Variants in RPTOR observed in about 807,000 individuals in gnomAD.
RPTOR encodes the protein regulatory associated protein of MTOR complex 1.
A neutral mutation model predicts 169.9 loss-of-function variants in RPTOR; 21 were observed. The ratio of observed to expected loss-of-function variants is 0.12; its 90% CI spans 0.09 to 0.18. RPTOR has a LOEUF of 0.18. Among genes scored for constraint, RPTOR ranks in the 10% least tolerant of loss-of-function variants. RPTOR has a pLI of 1.00. For missense variants in RPTOR, 1,133 were observed against 1,855.9 expected (o/e 0.61, Z 7.16); for synonymous variants, 732 against 753.2 (o/e 0.97, Z 0.46).
chr17:80,660,798 C>G (rs977599336), intron 3 of RPTOR, among the ~76,000 whole-genome samples: 1 of 152,186 alleles, frequency 6.6e-6, no homozygotes, highest in African/African-American at 2.4e-5. Flanking sequence ...CAGGCAGCCC[C>G]TTGGTCCCCC....
At position 80,942,209 on chromosome 17, in the gene RPTOR, G is replaced by A. The variant is rs185760350; in HGVS notation, c.3025+1608G>A. ...TAGCGATTCTCTAGGACCCCAGCCT[G>A]CTAGCTGGGATGGCCAGCACACGGG... is the stretch of plus-strand genomic sequence containing the variant. On this transcript the variant is annotated intron_variant, in intron 25 of 33. Coordinates refer to ENST00000306801, the MANE Select transcript of RPTOR (RefSeq NM_020761.3). 2.8e-4 allele frequency among the ~76,000 whole-genome samples: 42 copies of A among 151,956 alleles called. No individual in the cohort carries two copies. The East Asian group carries it at 6.8e-3, about 25-fold the overall frequency.
In RPTOR at chr17:80,820,211, AGGCAGCGCTC is replaced by A. The variant is rs1449110934; in HGVS notation, c.891-1987_891-1978del. Among the ~76,000 whole-genome samples the A allele has an allele frequency of 1.3e-5, 2 of 152,220 alleles. No homozygotes were observed. The highest frequency in any genetic ancestry group is 6.5e-5 in the Admixed American group (1 of 15,284). The stretch of plus-strand genomic sequence containing the variant: ...TCTGCATGGCTTTGGTAAGGAGGGC[AGGCAGCGCTC>A]GGTGACAGTCCTGCAGCTTGAAAGA... On this transcript the variant is annotated intron_variant, in intron 7 of 33. Transcript: ENST00000306801. This position sits in a 1 kb window ranked among gnomAD's most constrained non-coding sequence, Gnocchi z 4.1.
chr17:80,922,186 T>C (rs1283489437), intron 21 of RPTOR, among the ~76,000 whole-genome samples: 3 of 152,216 alleles, frequency 2.0e-5, no homozygotes, highest in African/African-American at 7.2e-5. Context: ...GATGAAGCAC[T>C]CCCTGACCCT....
intron 7 of RPTOR, among the ~76,000 whole-genome samples, chr17:80,795,645 G>A (rs1023589774): frequency 1.3e-5 from 2 of 152,070 alleles, no homozygotes; most frequent in Non-Finnish European, 2.9e-5. Context: ...GGGATTCGGG[G>A]TACGAGGAGG....
intron 1 of RPTOR, among the ~76,000 whole-genome samples, chr17:80,618,492 G>A (rs62068307): frequency 0.055 from 8,430 of 152,304 alleles, 288 homozygotes; most frequent in Non-Finnish European, 0.082. Context: ...GGTGCAGGAA[G>A]GGGTGAGCCA....
At chr17:80,872,354 A>G (rs1264966949) in intron 13 of RPTOR, among the ~76,000 whole-genome samples, 3 of 152,174 alleles carry the variant, frequency 2.0e-5, no homozygotes, top group Non-Finnish European at 4.4e-5. Flanking sequence ...CTCCGGGCAG[A>G]TTCCAACACA....
At chr17:80,949,350 C>T (rs759273460) in intron 27 of RPTOR, 93 bp from the exon 28 acceptor site, 76 of 1,091,802 alleles carry the variant, frequency 7.0e-5, no homozygotes, top group Middle Eastern at 2.0e-4. Context: ...CACTGCAGCA[C>T]GTCTGCCAGG....
At position 80,708,662 on chromosome 17, in the gene RPTOR, G is replaced by A. The variant is rs149861619; in HGVS notation, c.507+663G>A. 0.078 allele frequency among the ~76,000 whole-genome samples: 10,775 copies of A among 137,422 alleles called. 688 individuals carry two copies. Among genetic ancestry groups the A allele is most frequent in the African/African-American group, 0.13 (4,365 of 33,276 alleles). The allele number at this position is 137,422 out of a possible 152,430, so 90.2% of individuals were successfully genotyped here. On this transcript the variant is annotated intron_variant, in intron 4 of 33. Coordinates refer to ENST00000306801, the MANE Select transcript of RPTOR (RefSeq NM_020761.3). This position sits in a 1 kb window ranked among gnomAD's most constrained non-coding sequence, Gnocchi z 4.2. ...CAGGGTGTGGTGGGTGCTGACTGTT[G>A]TCCCCACCCTCCAGGGTGTGGTGGG...
At chr17:80,770,308 C>T (rs1018645090) in intron 6 of RPTOR, among the ~76,000 whole-genome samples, 6 of 152,218 alleles carry the variant, frequency 3.9e-5, no homozygotes, top group African/African-American at 1.4e-4. Flanking sequence ...ACTGTCACTT[C>T]GGGTCCTCAG....
chr17:80,872,292 C>T (rs980008688), intron 13 of RPTOR, among the ~76,000 whole-genome samples: 5 of 152,218 alleles, frequency 3.3e-5, no homozygotes, highest in Non-Finnish European at 7.3e-5. Context: ...GCAGAATGGC[C>T]TCTTTTTAGC....
chr17:80,844,571 G>T lies in RPTOR; in HGVS notation c.1213-1902G>T, dbSNP rs1410132501. On this transcript the variant is annotated intron_variant, in intron 10 of 33. Transcript: ENST00000306801. This position sits in a 1 kb window ranked among gnomAD's most constrained non-coding sequence, Gnocchi z 4.7. ...TGAAAACAGGAAAATCACTCTGGGG[G>T]CTCCAAGCCAGCTCCACAGGTTGCC... 2.0e-5 allele frequency among the ~76,000 whole-genome samples: 3 copies of T among 152,114 alleles called. No individual in the cohort carries two copies. The highest frequency in any genetic ancestry group is 4.4e-5 in the Non-Finnish European group (3 of 68,014).
At chr17:80,583,129 A>G (rs1048315600) in intron 1 of RPTOR, among the ~76,000 whole-genome samples, 1 of 150,056 alleles carries the variant, frequency 6.7e-6, no homozygotes, top group African/African-American at 2.5e-5. Context: ...GTTGTCAACC[A>G]AGCTGTTTGT....
chr17:80,615,473 TA>T (rs2065302593), intron 1 of RPTOR, among the ~76,000 whole-genome samples: 1 of 152,162 alleles, frequency 6.6e-6, no homozygotes, highest in Non-Finnish European at 1.5e-5. Flanking sequence ...TTGTCAAATA[TA>T]TGGAAGGTGT....
At chr17:80,593,330 A>G (rs1174145348) in intron 1 of RPTOR, 1 of 154,874 alleles carries the variant, frequency 6.5e-6, no homozygotes, top group South Asian at 2.0e-4. Flanking sequence ...CGCGGCGGCC[A>G]TGCTGGGTGT....
At chr17:80,841,603 A>C (rs2067660121) in intron 10 of RPTOR, among the ~76,000 whole-genome samples, 1 of 126,936 alleles carries the variant, frequency 7.9e-6, no homozygotes, top group African/African-American at 3.2e-5. Flanking sequence ...CTCTCACCGC[A>C]CTGCAGCTCA....
chr17:80,757,783 T>A (rs1598284804), intron 6 of RPTOR, among the ~76,000 whole-genome samples: 1 of 152,294 alleles, frequency 6.6e-6, no homozygotes, highest in Admixed American at 6.5e-5. Context: ...CTGCATCTCC[T>A]GGCTTTTCTG....
intron 5 of RPTOR, among the ~76,000 whole-genome samples, chr17:80,741,779 G>A (rs560603529): frequency 6.6e-6 from 1 of 152,330 alleles, no homozygotes; most frequent in East Asian, 1.9e-4. Context: ...GGATGGTGAC[G>A]AGCCCCCATG....
chr17:80,607,219 G>A lies in RPTOR; in HGVS notation c.163-18472G>A, dbSNP rs563803008. 1.2e-4 allele frequency among the ~76,000 whole-genome samples: 19 copies of A among 152,246 alleles called. 1 individual carries two copies. In the South Asian group the frequency reaches 1.9e-3, roughly 15 times the overall value. On this transcript the variant is annotated intron_variant, in intron 1 of 33. Transcript: ENST00000306801. ...CTCCTAAAGTGCTGGGATTATAGGC[G>A]TGAGCCACCGCGCCCAGCTTTCTTC... is the stretch of plus-strand genomic sequence containing the variant.
At chr17:80,954,121 G>A (rs921121971) in intron 28 of RPTOR, among the ~76,000 whole-genome samples, 2 of 151,966 alleles carry the variant, frequency 1.3e-5, no homozygotes, top group Non-Finnish European at 2.9e-5. Context: ...CCACTGCAAC[G>A]GCTAATCTTT....
Sources: allele counts gnomAD v4.1 joint callset (sites outside exome capture counted in the v4.1 genomes callset), GRCh38; gene constraint gnomAD v4.1.1; non-coding constraint Gnocchi (gnomAD v3.1); transcripts MANE v1.5; gene names NCBI Gene and HGNC (gene_info 2026-07-23, HGNC 2026-07-21).